CCNK: variants seen among roughly 807,000 people sequenced by gnomAD.
The protein encoded by CCNK is cyclin K.
Under a neutral mutation model 65.0 loss-of-function variants are expected in CCNK, and 9 were observed. That is an observed-to-expected ratio of 0.14 (90% CI 0.08 to 0.24). The LOEUF (loss-of-function observed/expected upper bound fraction) is 0.24. CCNK is among the 10% of genes least tolerant of loss of function. CCNK has a pLI of 1.00. For missense variants in CCNK, 474 were observed against 720.0 expected (o/e 0.66, Z 3.91); for synonymous variants, 279 against 270.8 (o/e 1.03, Z -0.30).
chr14:99,501,640 TCAC>T (rs1896833549), intron 6 of CCNK: 1 of 521,758 alleles, frequency 1.9e-6, no homozygotes, highest in Admixed American at 3.7e-5. Context: ...TGAAATTTTA[TCAC>T]CAGTCTGAAA....
chr14:99,485,296 T>C (rs1426080471), intron 1 of CCNK, among the ~76,000 whole-genome samples: 1 of 152,206 alleles, frequency 6.6e-6, no homozygotes, highest in Admixed American at 6.5e-5. Context: ...GTTTCATCCC[T>C]ACTGGGGTAT....
chr14:99,507,534 C>T (rs1384754535), intron 10 of CCNK: 1 of 190,110 alleles, frequency 5.3e-6, no homozygotes, highest in Non-Finnish European at 1.1e-5. Context: ...CCACCGTACT[C>T]CAGCCTGGGT....
intron 4 of CCNK, among the ~76,000 whole-genome samples, chr14:99,496,436 C>T (rs1323892934): frequency 2.6e-5 from 4 of 152,120 alleles, no homozygotes; most frequent in East Asian, 1.9e-4. Flanking sequence ...ACTGGCCAGG[C>T]GTGGTGGCTC....
intron 3 of CCNK, 195 bp from the exon 4 acceptor site, chr14:99,495,303 T>C (rs1896677597): frequency 3.1e-6 from 1 of 323,496 alleles, no homozygotes; most frequent in East Asian, 5.0e-5. Flanking sequence ...TTAAATAATT[T>C]ATGAAGCTAG....
intron 1 of CCNK, among the ~76,000 whole-genome samples, chr14:99,484,447 A>C (rs1204317795): frequency 6.6e-6 from 1 of 152,242 alleles, no homozygotes; most frequent in Non-Finnish European, 1.5e-5. Flanking sequence ...AAAAATCATG[A>C]TGAGAAAAAT....
intron 1 of CCNK, among the ~76,000 whole-genome samples, chr14:99,483,507 G>C (rs1896407597): frequency 6.6e-6 from 1 of 152,242 alleles, no homozygotes; most frequent in South Asian, 2.1e-4. Flanking sequence ...CCGTGATCGG[G>C]TGACTGCGCT....
chr14:99,483,397 C>A (rs1389281656), intron 1 of CCNK, among the ~76,000 whole-genome samples: 3 of 151,864 alleles, frequency 2.0e-5, no homozygotes, highest in Non-Finnish European at 4.4e-5. Flanking sequence ...AAAAAAAAAT[C>A]AAAAAATTAG....
intron 1 of CCNK, among the ~76,000 whole-genome samples, chr14:99,483,669 A>G (rs1416029915): frequency 6.6e-6 from 1 of 152,256 alleles, no homozygotes; most frequent in African/African-American, 2.4e-5. Flanking sequence ...GTCTTCCAAC[A>G]AGATTCTAAT....
chr14:99,487,138 T>TCAG (rs1896505911), intron 1 of CCNK, among the ~76,000 whole-genome samples: 2 of 152,226 alleles, frequency 1.3e-5, no homozygotes, highest in Non-Finnish European at 2.9e-5. Flanking sequence ...ATTGATTCCC[T>TCAG]CAGCCAACTG....
chr14:99,495,337 A>G, intron 3 of CCNK, 161 bp from the exon 4 acceptor site: 1 of 418,568 alleles, frequency 2.4e-6, no homozygotes, highest in Admixed American at 4.5e-5. Flanking sequence ...TATATGTATA[A>G]AATTTCCTTC....
intron 1 of CCNK, among the ~76,000 whole-genome samples, chr14:99,484,118 T>TTG (rs1896424230): frequency 1.3e-5 from 2 of 152,254 alleles, no homozygotes; most frequent in Non-Finnish European, 2.9e-5. Flanking sequence ...AAAGTGGTTC[T>TTG]AGGATGTAAC....
rs777377146 is a variant in CCNK at position 99,510,251 on chromosome 14, GGCCCACCC to G, written c.1214_1221del (p.Ala405GlyfsTer176). ...TCCCCAAAGTCCAGATTCCCCCTCC[GGCCCACCC>G]GGCCCCTGTGCACCAGCCACCGCCG... is the stretch of plus-strand genomic sequence containing the variant. On this transcript the variant is annotated frameshift_variant, in exon 11 of 11. Coordinates refer to ENST00000389879, the MANE Select transcript of CCNK (RefSeq NM_001099402.2). LOFTEE classifies it high-confidence loss of function. 1.5e-5 allele frequency: 23 copies of G among 1,503,514 alleles called. No individual in the cohort carries two copies. In the Admixed American group the frequency reaches 1.6e-4, roughly 10 times the overall value. 93.1% of individuals were successfully genotyped at this position (1,503,514 alleles called of 1,614,324 possible).
At chr14:99,496,707 C>G (rs1720624680) in intron 4 of CCNK, among the ~76,000 whole-genome samples, 3 of 149,750 alleles carry the variant, frequency 2.0e-5, no homozygotes. Context: ...AAAACTCCAT[C>G]TCAAAAAAAA....
chr14:99,487,948 G>A (rs534808017), intron 1 of CCNK, among the ~76,000 whole-genome samples: 2 of 152,310 alleles, frequency 1.3e-5, no homozygotes, highest in East Asian at 3.9e-4. Context: ...CTCCTATTCA[G>A]TCTCATCTGA....
intron 9 of CCNK, chr14:99,506,725 G>A (rs745539390): frequency 1.9e-5 from 6 of 311,682 alleles, no homozygotes; most frequent in Non-Finnish European, 3.7e-5. Context: ...TGTGTCCTCT[G>A]TACCAGGGAG....
intron 1 of CCNK, among the ~76,000 whole-genome samples, chr14:99,491,590 T>G (rs2400678): frequency 6.6e-6 from 1 of 151,690 alleles, no homozygotes; most frequent in Non-Finnish European, 1.5e-5. Flanking sequence ...CTCCAGGTAC[T>G]TAATTCTTCC....
chr14:99,499,313 C>T (rs1466138653), intron 4 of CCNK, among the ~76,000 whole-genome samples: 2 of 152,328 alleles, frequency 1.3e-5, no homozygotes, highest in East Asian at 1.9e-4. Context: ...GCTGGGATTA[C>T]AGGCATGAGC....
Position 99,502,777 on chromosome 14 carries a change from C to T in CCNK, c.804C>T (p.His268=), listed in dbSNP as rs1407277085. ...AAGGAAAACAACAGATGCCTCATCACACCCCCCATCAGCTGCAACAGCCCC... is the reference window on the plus strand; with the variant it reads ...AAGGAAAACAACAGATGCCTCATCATACCCCCCATCAGCTGCAACAGCCCC... ...YSQGKQQMPH[H]TPHQLQQPPS... is the part of the protein sequence containing the mutation. The change falls in exon 8 of 11, where the codon CAC becomes CAT. Residue 268 remains histidine (H), a synonymous_variant. Transcript: ENST00000389879. 4.3e-6 allele frequency: 7 copies of T among 1,613,720 alleles called. No homozygotes were observed. The highest frequency in any genetic ancestry group is 4.0e-5 in the African/African-American group (3 of 74,888).
chr14:99,500,494 T>C (rs1057127159), intron 4 of CCNK: 2 of 344,554 alleles, frequency 5.8e-6, no homozygotes, highest in Non-Finnish European at 1.1e-5. Context: ...GACTCATGTA[T>C]GTATTGAAAA....
Sources: gnomAD v4.1 joint callset for allele counts (sites outside exome capture counted in the v4.1 genomes callset) on GRCh38, gnomAD v4.1.1 for gene constraint, MANE v1.5 for transcripts, NCBI Gene and HGNC (gene_info 2026-07-23, HGNC 2026-07-21) for gene names.